Variants in ZNF577 observed in about 807,000 individuals in gnomAD.
ZNF577 encodes zinc finger protein 577.
In ZNF577, 14 loss-of-function variants were observed where a neutral mutation model predicts 13.9. The ratio of observed to expected loss-of-function variants is 1.00; its 90% CI spans 0.66 to 1.57. The LOEUF (loss-of-function observed/expected upper bound fraction) is 1.57, where lower values mean the gene tolerates loss of function less well. Ranked by LOEUF, ZNF577 falls within the 40% of genes most tolerant of loss-of-function variation. The pLI is 0.00. For synonymous variants in ZNF577, 203 were observed against 202.9 expected (o/e 1.00, Z 0.00); for missense variants, 555 against 579.2 (o/e 0.96, Z 0.43).
exon 9 of ZNF577, chr19:51,840,057 T>G (rs1027199457): frequency 1.3e-5 from 2 of 152,210 alleles, no homozygotes; most frequent in African/African-American, 4.8e-5. Flanking sequence ...AGCAGCAGTC[T>G]TGGAAGATGC....
rs868704749 is a variant in ZNF577 at position 51,872,995 on chromosome 19, T to C, written c.995A>G (p.Glu332Gly). The part of the protein sequence containing the change: ...GEKPYECSEC[E>G]KAFRSKSKLI... ...CTTCGACTTGCTTCTAAAGGCTTTT[T>C]CACACTCACTACATTCATAAGGTTT... The change falls in exon 6 of 6, where the codon GAA becomes GGA. Residue 332 changes from glutamate (E) to glycine (G), a missense_variant. Glu to Gly is a moderately conservative substitution (Grantham distance 98, BLOSUM62 -2). Transcript: ENST00000638348. The C allele has an allele frequency of 6.2e-7, 1 of 1,614,200 alleles. No homozygotes were observed. The highest frequency in any genetic ancestry group is 8.5e-7 in the Non-Finnish European group (1 of 1,180,040).
intron 9 of ZNF577, among the ~76,000 whole-genome samples, chr19:51,830,902 CT>C (rs2084257967): frequency 6.6e-6 from 1 of 152,148 alleles, no homozygotes; most frequent in Non-Finnish European, 1.5e-5. Flanking sequence ...TAATCCACAA[CT>C]TCTCTTCAGG....
chr19:51,840,504 T>TG (rs1168470525), intron 8 of ZNF577: 1 of 152,300 alleles, frequency 6.6e-6, no homozygotes, highest in Admixed American at 6.5e-5. Flanking sequence ...GGAAGCCACC[T>TG]GGGTACATTT....
downstream of ZNF577, among the ~76,000 whole-genome samples, chr19:51,863,849 GCA>G (rs1458931330): frequency 6.6e-6 from 1 of 152,208 alleles, no homozygotes; most frequent in Non-Finnish European, 1.5e-5. Flanking sequence ...GGTGCTGGTT[GCA>G]CAGTGTGCTG....
chr19:51,867,740 A>G lies in ZNF577; in HGVS notation c.*4792T>C, dbSNP rs1208339512. 6.6e-6 allele frequency among the ~76,000 whole-genome samples: 1 copy of G among 152,056 alleles called. No individual in the cohort carries two copies. The highest frequency in any genetic ancestry group is 1.5e-5 in the Non-Finnish European group (1 of 68,014). On this transcript the variant is annotated 3_prime_UTR_variant, in exon 6 of 6. Coordinates refer to ENST00000638348, the MANE Select transcript of ZNF577 (RefSeq NM_001370449.1). ...GTGGAGGTTGCAGTGACCCACGATT[A>G]CGCCACTGCACTCCAGCCTGGGCAA...
intron 5 of ZNF577, among the ~76,000 whole-genome samples, chr19:51,850,944 G>C (rs765721702): frequency 1.3e-5 from 2 of 152,190 alleles, no homozygotes; most frequent in Non-Finnish European, 1.5e-5. Flanking sequence ...GTACGGTGTA[G>C]TTAGTAAGTT....
chr19:51,833,380 T>G (rs2084270711), intron 9 of ZNF577, among the ~76,000 whole-genome samples: 1 of 152,192 alleles, frequency 6.6e-6, no homozygotes, highest in South Asian at 2.1e-4. Flanking sequence ...TTTTTAGTTG[T>G]TTAAGGTAGG....
intron 1 of ZNF577, among the ~76,000 whole-genome samples, chr19:51,883,034 G>A (rs1454106186): frequency 5.6e-5 from 8 of 143,974 alleles, no homozygotes; most frequent in African/African-American, 1.0e-4. Flanking sequence ...TCAATCTGTC[G>A]CCAGGCTAGA....
chr19:51,882,861 A>G (rs1273364834), intron 1 of ZNF577, among the ~76,000 whole-genome samples: 1 of 152,156 alleles, frequency 6.6e-6, no homozygotes, highest in Admixed American at 6.5e-5. Flanking sequence ...ACAAGCCCTC[A>G]GCCTTATCTG....
At chr19:51,848,702 G>C (rs2084366174) in intron 5 of ZNF577, among the ~76,000 whole-genome samples, 1 of 152,174 alleles carries the variant, frequency 6.6e-6, no homozygotes, top group African/African-American at 2.4e-5. Context: ...GTATCTTGAA[G>C]AGCACAACCC....
At chr19:51,866,394 T>C (rs552036494), downstream of ZNF577, among the ~76,000 whole-genome samples, 107 of 152,000 alleles carry the variant, frequency 7.0e-4, no homozygotes, top group Non-Finnish European at 8.4e-4. Context: ...AATAAATACA[T>C]AAGGAACCAC....
chr19:51,825,068 T>C (rs2084222851), intron 9 of ZNF577: 2 of 386,284 alleles, frequency 5.2e-6, no homozygotes. Context: ...ATTCCCCAAG[T>C]CTGCTCCTCC....
At position 51,872,371 on chromosome 19, in the gene ZNF577, C is replaced by G. The variant is rs1599868156; in HGVS notation, c.*161G>C. The G allele has an allele frequency of 5.1e-6, 3 of 587,856 alleles. No individual in the cohort carries two copies. The highest frequency in any genetic ancestry group is 5.9e-5 in the East Asian group (2 of 34,090). The allele number at this position is 587,856 out of a possible 1,614,324, so 36.4% of individuals were successfully genotyped here. A position where few individuals can be genotyped will look rare whatever the true frequency, so the allele number is the denominator to read the frequency against. On this transcript the variant is annotated 3_prime_UTR_variant, in exon 6 of 6. Transcript: ENST00000638348. ...CTTCCTCATAACAGCTGCATTTCTA[C>G]CCAACATGATTTCAATGGTGTTTAA...
Position 51,828,411 on chromosome 19 carries a change from G to A in ZNF577, c.*599+11482C>T, listed in dbSNP as rs567190106. 6.6e-5 allele frequency among the ~76,000 whole-genome samples: 10 copies of A among 151,770 alleles called. No individual in the cohort carries two copies. The East Asian group carries it at 1.9e-3, about 29-fold the overall frequency. On this transcript the variant is annotated intron_variant and NMD_transcript_variant, in intron 9 of 10. Coordinates refer to the ZNF577 transcript ENST00000638827. ...AGAAAAAGAAAAAGAAAATAAAAAG[G>A]CACAAGGACAAAACCTAGATAGGAG...
rs1475190347 is a variant in ZNF577, at chr19:51,867,407, T to C, written c.*5125A>G. Reference sequence around the variant, plus strand: ...TCTTTTCAAGAGAAAAGAAGACATGTCAGAGAGAGGCCCAGCTTTTAGAAT... The same window carrying C: ...TCTTTTCAAGAGAAAAGAAGACATGCCAGAGAGAGGCCCAGCTTTTAGAAT... On this transcript the variant is annotated 3_prime_UTR_variant, in exon 6 of 6. Transcript: ENST00000638348. Among the ~76,000 whole-genome samples the C allele has an allele frequency of 6.6e-6, 1 of 152,078 alleles. No individual in the cohort carries two copies. Among genetic ancestry groups the C allele is most frequent in the African/African-American group, 2.4e-5 (1 of 41,408 alleles).
Position 51,872,936 on chromosome 19 carries a change from T to C in ZNF577, c.1054A>G (p.Arg352Gly). 1 of 1,614,220 alleles carries C rather than the reference T, an allele frequency of 6.2e-7. No homozygotes were observed. The highest frequency in any genetic ancestry group is 8.5e-7 in the Non-Finnish European group (1 of 1,180,030). ...CCACATTCTCTGCATGAATATGGTC[T>C]CTCTCCAGTGTGAGTACGCTGATGC... ...IQHQRTHTGERPYSCRECGKA... is the reference protein window; with the variant it reads ...IQHQRTHTGEGPYSCRECGKA... The change falls in exon 6 of 6, where the codon AGA (arginine) becomes GGA (glycine). Residue 352 changes from arginine (R) to glycine (G), a missense_variant. By Grantham distance (125) the Arg-to-Gly change is moderately radical. Transcript: ENST00000638348.
At position 51,871,396 on chromosome 19, in the gene ZNF577, T is replaced by G. The variant is rs1599867552; in HGVS notation, c.*1136A>C. 6.6e-6 allele frequency: 1 copy of G among 151,778 alleles called. No individual in the cohort carries two copies. The allele number at this position is 151,778 out of a possible 1,614,324, so 9.4% of individuals were successfully genotyped here. ...CCTCCCAAAGTGCTGAGATTACAGG[T>G]GTGAGCCACTGTGCCTGGCCAGGTA... On this transcript the variant is annotated 3_prime_UTR_variant, in exon 6 of 6. Coordinates refer to ENST00000638348, the MANE Select transcript of ZNF577 (RefSeq NM_001370449.1).
downstream of ZNF577, among the ~76,000 whole-genome samples, chr19:51,866,725 T>C (rs187851601): frequency 3.9e-5 from 6 of 152,254 alleles, no homozygotes; most frequent in African/African-American, 1.4e-4. Context: ...CTCATGCCTA[T>C]AATTCCAGCA....
rs143849817 is a variant in ZNF577, at chr19:51,837,880, A to G, written c.*599+2013T>C. Among the ~76,000 whole-genome samples the G allele has an allele frequency of 2.2e-3, 331 of 152,360 alleles. 1 individual carries two copies. The highest frequency in any genetic ancestry group is 7.7e-3 in the African/African-American group (321 of 41,590). ...TAGCAAACCATATCCCAAAATATAT[A>G]GAAAAATATTGTACTATGACTAAGT... On this transcript the variant is annotated intron_variant and NMD_transcript_variant, in intron 9 of 10. Coordinates refer to the ZNF577 transcript ENST00000638827.
Sources: allele counts gnomAD v4.1 joint callset (sites outside exome capture counted in the v4.1 genomes callset), GRCh38; gene constraint gnomAD v4.1.1; transcripts MANE v1.5; gene names NCBI Gene and HGNC (gene_info 2026-07-23, HGNC 2026-07-21).